The following FAM83F variants were observed in gnomAD, a reference collection of about 807,000 sequenced individuals.
The protein encoded by FAM83F is scaffolding CK1 anchoring protein F, also known as protein FAM83F.
FAM83F carries 45 observed loss-of-function variants against 42.9 expected under a neutral mutation model. The observed-to-expected ratio is 1.05, with a 90% confidence interval of 0.83 to 1.35. The LOEUF is 1.35. Among genes scored for constraint, FAM83F ranks in the 40% most tolerant of loss-of-function variants. FAM83F has a pLI of 0.00. For missense variants in FAM83F, 617 were observed against 695.9 expected, an observed-to-expected ratio of 0.89 and a Z score of 1.28; for synonymous variants, 306 against 298.3, an observed-to-expected ratio of 1.03 and a Z score of -0.27.
Position 39,995,252 on chromosome 22 carries a change from C to T in FAM83F, c.210C>T (p.Ala70=). The change falls in exon 1 of 5, where the codon GCC becomes GCT. Residue 70 remains alanine, a synonymous_variant. Coordinates refer to ENST00000333407, the MANE Select transcript of FAM83F (RefSeq NM_138435.4). The surrounding 1 kb of genome is among the most constrained non-coding windows in gnomAD (Gnocchi z 4.6). ...CGGAGCGCCAGGCCCTGCGGGCCGC[C>T]TGGAGCCCCTACGAGGACGCCGTCC... ...SSPERQALRA[A]WSPYEDAVPA... 2.0e-6 allele frequency: 3 copies of T among 1,535,196 alleles called. No homozygotes were observed. Among genetic ancestry groups the T allele is most frequent in the Non-Finnish European group, 2.6e-6 (3 of 1,145,982 alleles).
intron 1 of FAM83F, among the ~76,000 whole-genome samples, chr22:40,002,570 G>A (rs1317228241): frequency 1.3e-5 from 2 of 152,168 alleles, no homozygotes; most frequent in African/African-American, 4.8e-5. Context: ...GGCGGGTGGA[G>A]GGATCCCATG....
At position 40,031,175 on chromosome 22, in the gene FAM83F, T is replaced by A. The variant is rs983719682; in HGVS notation, c.*1610T>A. On this transcript the variant is annotated 3_prime_UTR_variant, in exon 5 of 5. Coordinates refer to ENST00000333407, the MANE Select transcript of FAM83F (RefSeq NM_138435.4). The stretch of plus-strand genomic sequence containing the variant: ...TGAGCTTTTATGAAGGTGAAATGCT[T>A]CTGGGAAGTGTTTCCTTAGGCACCA... The A allele has an allele frequency of 1.3e-5, 2 of 150,874 alleles. No homozygotes were observed. Among genetic ancestry groups the A allele is most frequent in the African/African-American group, 4.9e-5 (2 of 40,912 alleles). The allele number at this position is 150,874 out of a possible 1,614,324, so 9.3% of individuals were successfully genotyped here.
rs1029001154 is a variant in FAM83F at position 40,037,845 on chromosome 22, G to A, written c.*8280G>A. On this transcript the variant is annotated 3_prime_UTR_variant, in exon 5 of 5. Coordinates refer to ENST00000333407, the MANE Select transcript of FAM83F (RefSeq NM_138435.4). ...TGATCCTCCCGCCTCAGCCTCCCAA[G>A]TAGCTGGGACTACAGGCATGCACCA... The A allele has an allele frequency of 6.6e-6, 1 of 152,022 alleles. No homozygotes were observed. Among genetic ancestry groups the A allele is most frequent in the Admixed American group, 6.6e-5 (1 of 15,254 alleles). The allele number at this position is 152,022 out of a possible 1,614,324, so 9.4% of individuals were successfully genotyped here.
In FAM83F at chr22:39,995,160, G is replaced by A; in HGVS notation, c.118G>A (p.Gly40Ser). Residue 40 changes from glycine to serine, a missense_variant, in exon 1 of 5, where the codon GGC becomes AGC. Gly to Ser is a moderately conservative substitution (Grantham distance 56). Transcript: ENST00000333407. The surrounding 1 kb of genome is among the most constrained non-coding windows in gnomAD (Gnocchi z 4.6). The stretch of plus-strand genomic sequence containing the variant: ...GCGGGCCGCGCTGGAGGCGCTGCTG[G>A]GCGGCGGCGAGCAGGCCTACCGCGA... ...RRRAALEALLGGGEQAYRERL... is the reference protein window; with the variant it reads ...RRRAALEALLSGGEQAYRERL... 1 of 1,397,880 alleles carries A rather than the reference G, an allele frequency of 7.2e-7. No individual in the cohort carries two copies. The highest frequency in any genetic ancestry group is 9.2e-7 in the Non-Finnish European group (1 of 1,085,202). The allele number at this position is 1,397,880 out of a possible 1,614,324, so 86.6% of individuals were successfully genotyped here.
rs755519348 is a variant in FAM83F at position 40,021,865 on chromosome 22, C to T, written c.1355C>T (p.Ala452Val). The T allele has an allele frequency of 3.7e-6, 6 of 1,611,736 alleles. No homozygotes were observed. The highest frequency in any genetic ancestry group is 1.3e-5 in the African/African-American group (1 of 75,034). The change falls in exon 4 of 5, where the codon GCG (alanine) becomes GTG (valine). Residue 452 changes from alanine to valine, a missense_variant. Transcript: ENST00000333407. The surrounding 1 kb of genome is among the most constrained non-coding windows in gnomAD (Gnocchi z 8.7). ...LFSRRAKRPA[A>V]PNGMASSVST... ...AGTCGCCGAGCCAAGAGGCCTGCGGCGCCCAATGGCATGGCCAGCTCTGTC... is the reference window on the plus strand; with the variant it reads ...AGTCGCCGAGCCAAGAGGCCTGCGGTGCCCAATGGCATGGCCAGCTCTGTC...
In FAM83F at chr22:39,995,176, C is replaced by A; in HGVS notation, c.134C>A (p.Ala45Asp). The change falls in exon 1 of 5, where the codon GCC becomes GAC. Residue 45 changes from alanine to aspartate, a missense_variant. Ala to Asp is a moderately radical substitution (Grantham distance 126, BLOSUM62 -2). Transcript: ENST00000333407. The surrounding 1 kb of genome is among the most constrained non-coding windows in gnomAD (Gnocchi z 4.6). ...LEALLGGGEQ[A>D]YRERLKEEQL... ...GCGCTGCTGGGCGGCGGCGAGCAGG[C>A]CTACCGCGAGCGGCTCAAGGAGGAG... The A allele has an allele frequency of 6.8e-7, 1 of 1,480,186 alleles. No individual in the cohort carries two copies. 91.7% of individuals were successfully genotyped at this position (1,480,186 alleles called of 1,614,324 possible).
intron 1 of FAM83F, among the ~76,000 whole-genome samples, chr22:40,018,233 G>GA (rs1236720389): frequency 6.6e-6 from 1 of 152,226 alleles, no homozygotes; most frequent in African/African-American, 2.4e-5. Flanking sequence ...TGTGCCTGGG[G>GA]AAGCACAGAG....
At chr22:40,028,716 G>A (rs969871897) in intron 4 of FAM83F, among the ~76,000 whole-genome samples, 1 of 152,222 alleles carries the variant, frequency 6.6e-6, no homozygotes, top group Non-Finnish European at 1.5e-5. Flanking sequence ...CTGGCCGGGG[G>A]CGGGGGACAG....
intron 1 of FAM83F, among the ~76,000 whole-genome samples, chr22:40,013,577 G>C (rs1569232767): frequency 6.6e-6 from 1 of 152,108 alleles, no homozygotes; most frequent in Non-Finnish European, 1.5e-5. Context: ...ACTCTCTATA[G>C]GACAAGTGTT....
Position 40,029,731 on chromosome 22 carries a change from G to T in FAM83F, c.*166G>T, listed in dbSNP as rs749739579. 36 of 1,002,460 alleles carry T rather than the reference G, an allele frequency of 3.6e-5. No homozygotes were observed. The highest frequency in any genetic ancestry group is 4.8e-5 in the Non-Finnish European group (34 of 704,410). The allele number at this position is 1,002,460 out of a possible 1,614,324, so 62.1% of individuals were successfully genotyped here. ...AGGGACGCTGGATCCCAAATGAGAG[G>T]GTCCGAAGCATCTCAGTCACACGCC... On this transcript the variant is annotated 3_prime_UTR_variant, in exon 5 of 5. Transcript: ENST00000333407.
At chr22:39,997,052 G>C (rs1053822003) in intron 1 of FAM83F, among the ~76,000 whole-genome samples, 1 of 152,134 alleles carries the variant, frequency 6.6e-6, no homozygotes, top group African/African-American at 2.4e-5. Context: ...CACAACAACC[G>C]GGTGAATATG....
chr22:39,999,503 A>G (rs1226376136), intron 1 of FAM83F, among the ~76,000 whole-genome samples: 1 of 152,242 alleles, frequency 6.6e-6, no homozygotes, highest in Non-Finnish European at 1.5e-5. Flanking sequence ...ATCTTGGTTT[A>G]TCACAAACTG....
At chr22:40,020,621 C>T (rs1208528826) in intron 3 of FAM83F, among the ~76,000 whole-genome samples, 1 of 152,062 alleles carries the variant, frequency 6.6e-6, no homozygotes. Context: ...CCTCAGCCTC[C>T]CAAAATGCTG....
intron 1 of FAM83F, among the ~76,000 whole-genome samples, chr22:39,999,360 C>A (rs8137879): frequency 9.9e-5 from 15 of 152,092 alleles, no homozygotes; most frequent in African/African-American, 1.7e-4. Context: ...GGCTGCTGGG[C>A]GGATTTAGAG....
At position 40,021,151 on chromosome 22, in the gene FAM83F, C is replaced by A; in HGVS notation, c.780-139C>A. 1 of 938,518 alleles carries A rather than the reference C, an allele frequency of 1.1e-6. No individual in the cohort carries two copies. The highest frequency in any genetic ancestry group is 1.5e-6 in the Non-Finnish European group (1 of 680,742). 58.1% of individuals were successfully genotyped at this position (938,518 alleles called of 1,614,324 possible). A position where few individuals can be genotyped will look rare whatever the true frequency, so the allele number is the denominator to read the frequency against. ...GAGGCTACGGGTGGGTGGAGGGAAT[C>A]AGTCCAGCGTGTGGCCCACAAGGAG... is the stretch of plus-strand genomic sequence containing the variant. On this transcript the variant is annotated intron_variant, in intron 3 of 4. Transcript: ENST00000333407. The surrounding 1 kb of genome is among the most constrained non-coding windows in gnomAD (Gnocchi z 8.7).
Position 40,021,717 on chromosome 22 carries a change from A to G in FAM83F, c.1207A>G (p.Met403Val), listed in dbSNP as rs1208067744. 6.2e-7 allele frequency: 1 copy of G among 1,613,026 alleles called. No homozygotes were observed. Among genetic ancestry groups the G allele is most frequent in the African/African-American group, 1.3e-5 (1 of 75,022 alleles). The change falls in exon 4 of 5, where the codon ATG (methionine) becomes GTG (valine). Residue 403 changes from methionine to valine, a missense_variant. By Grantham distance (21) the Met-to-Val change is conservative. Transcript: ENST00000333407. The surrounding 1 kb of genome is among the most constrained non-coding windows in gnomAD (Gnocchi z 8.7). Reference sequence around the variant, plus strand: ...AGAGCTGAGCCAGAAGGATGGCAGGATGGTCTCTCACATGCACAGAGACCT... The same window carrying G: ...AGAGCTGAGCCAGAAGGATGGCAGGGTGGTCTCTCACATGCACAGAGACCT... The part of the protein sequence containing the change: ...LGELSQKDGR[M>V]VSHMHRDLKP...
Position 40,039,214 on chromosome 22 carries a change from C to G in FAM83F, c.*9649C>G, listed in dbSNP as rs997150731. On this transcript the variant is annotated 3_prime_UTR_variant, in exon 5 of 5. Coordinates refer to ENST00000333407, the MANE Select transcript of FAM83F (RefSeq NM_138435.4). ...CTCCACCTCCCAGGTTGAAGCAGTTCTCCTGCCTCAGCCTCCTGAGTAGCT... is the reference window on the plus strand; with the variant it reads ...CTCCACCTCCCAGGTTGAAGCAGTTGTCCTGCCTCAGCCTCCTGAGTAGCT... 6.6e-6 allele frequency: 1 copy of G among 152,276 alleles called. No individual in the cohort carries two copies. Among genetic ancestry groups the G allele is most frequent in the East Asian group, 1.9e-4 (1 of 5,190 alleles). The allele number at this position is 152,276 out of a possible 1,614,324, so 9.4% of individuals were successfully genotyped here. A position where few individuals can be genotyped will look rare whatever the true frequency, so the allele number is the denominator to read the frequency against.
intron 1 of FAM83F, among the ~76,000 whole-genome samples, chr22:40,004,166 G>A (rs142021986): frequency 6.6e-6 from 1 of 152,084 alleles, no homozygotes; most frequent in African/African-American, 2.4e-5. Context: ...AATGGGGGGT[G>A]ACAAAAAGAA....
At chr22:40,017,225 CTT>C (rs59308005) in intron 1 of FAM83F, among the ~76,000 whole-genome samples, 6 of 115,576 alleles carry the variant, frequency 5.2e-5, no homozygotes, top group Admixed American at 8.8e-5. Context: ...TCAGCACTTT[CTT>C]TTTTTTTTTT....
Sources: allele counts gnomAD v4.1 joint callset (sites outside exome capture counted in the v4.1 genomes callset), GRCh38; gene constraint gnomAD v4.1.1; non-coding constraint Gnocchi (gnomAD v3.1); transcripts MANE v1.5; gene names NCBI Gene and HGNC (gene_info 2026-07-23, HGNC 2026-07-21).